TICAM2: variants seen among roughly 807,000 people sequenced by gnomAD.
TICAM2 encodes TIR domain containing adaptor molecule 2, also known as TIR domain-containing adapter molecule 2.
In TICAM2, 8 loss-of-function variants were observed where a neutral mutation model predicts 7.3. The observed-to-expected ratio is 1.10, with a 90% CI of 0.65 to 1.99. The LOEUF is 1.99. Ranked by LOEUF, TICAM2 falls within the 30% of genes most tolerant of loss-of-function variation. The pLI is 0.00. For synonymous variants in TICAM2, 113 were observed against 99.6 expected (o/e 1.13, Z -0.80); for missense variants, 304 against 278.8 (o/e 1.09, Z -0.65).
At chr5:115,581,419 G>C (rs112072245) in intron 1 of TICAM2, 104 bp from the exon 2 acceptor site, 6 of 1,273,022 alleles carry the variant, frequency 4.7e-6, no homozygotes, top group South Asian at 1.5e-5. Context: ...ATAATAGACA[G>C]ATCCAAATAC....
At chr5:115,599,316 ATAT>A in intron 1 of TICAM2, among the ~76,000 whole-genome samples, 1 of 152,134 alleles carries the variant, frequency 6.6e-6, no homozygotes, top group Non-Finnish European at 1.5e-5. Flanking sequence ...CCCCCACCAA[ATAT>A]TATTACATAT....
At position 115,580,842 on chromosome 5, in the gene TICAM2, G is replaced by A. The variant is rs778476522; in HGVS notation, c.415C>T (p.Leu139=). Residue 139 remains leucine (L), a synonymous_variant, in exon 2 of 2, where the codon CTG becomes TTG. Coordinates refer to ENST00000427199, the MANE Select transcript of TICAM2 (RefSeq NM_021649.7). Reference sequence around the variant, plus strand: ...GTATCTCTTAAAAAGTTTTCAGTCAGTAATAAGATTGTCCATGCAGACCCA... The same window carrying A: ...GTATCTCTTAAAAAGTTTTCAGTCAATAATAAGATTGTCCATGCAGACCCA... ...VNGSAWTILL[L]TENFLRDTWC... is the part of the protein sequence containing the mutation. 1.2e-5 allele frequency: 19 copies of A among 1,610,410 alleles called. No individual in the cohort carries two copies. In the South Asian group the frequency reaches 2.1e-4, roughly 18 times the overall value.
chr5:115,600,866 T>G (rs1166898973), intron 1 of TICAM2, among the ~76,000 whole-genome samples: 1 of 152,110 alleles, frequency 6.6e-6, no homozygotes, highest in African/African-American at 2.4e-5. Context: ...GAATGGGATG[T>G]GTGGTCTAGG....
chr5:115,588,365 T>C (rs1479183790), intron 1 of TICAM2, among the ~76,000 whole-genome samples: 1 of 152,190 alleles, frequency 6.6e-6, no homozygotes, highest in Non-Finnish European at 1.5e-5. Context: ...ATGTCTGTGA[T>C]GAATATTACA....
chr5:115,587,999 G>C (rs963346852), intron 1 of TICAM2, among the ~76,000 whole-genome samples: 1 of 152,166 alleles, frequency 6.6e-6, no homozygotes, highest in African/African-American at 2.4e-5. Context: ...GCATCTGAAA[G>C]CCAAGGGAGG....
chr5:115,588,708 G>C (rs984070400), intron 1 of TICAM2, among the ~76,000 whole-genome samples: 2 of 152,142 alleles, frequency 1.3e-5, no homozygotes, highest in Non-Finnish European at 2.9e-5. Context: ...TTTCCTAAAC[G>C]TAATTTAAGT....
chr5:115,582,334 T>G (rs1425458234), intron 1 of TICAM2, among the ~76,000 whole-genome samples: 1 of 150,782 alleles, frequency 6.6e-6, no homozygotes, highest in East Asian at 1.9e-4. Context: ...TTTTTTTTTT[T>G]TTGGTTTTTT....
intron 1 of TICAM2, among the ~76,000 whole-genome samples, chr5:115,591,594 G>C (rs1226227705): frequency 1.3e-5 from 2 of 151,762 alleles, no homozygotes; most frequent in Admixed American, 6.6e-5. Context: ...TGGCAGGTAA[G>C]AAAAAAATCT....
chr5:115,583,940 G>A (rs1330718160), intron 1 of TICAM2, among the ~76,000 whole-genome samples: 1 of 152,190 alleles, frequency 6.6e-6, no homozygotes, highest in Non-Finnish European at 1.5e-5. Flanking sequence ...CTAAATGGAA[G>A]GAGAGTGAGG....
intron 1 of TICAM2, among the ~76,000 whole-genome samples, chr5:115,590,225 A>G (rs1428845369): frequency 6.6e-6 from 1 of 152,150 alleles, no homozygotes; most frequent in Non-Finnish European, 1.5e-5. Context: ...AATGAGGATC[A>G]CTTGAGCGCA....
chr5:115,585,709 G>A (rs1755078081), intron 1 of TICAM2, among the ~76,000 whole-genome samples: 1 of 152,230 alleles, frequency 6.6e-6, no homozygotes, highest in Non-Finnish European at 1.5e-5. Context: ...GCTGGAGGGA[G>A]CCAAGGGTAG....
At chr5:115,583,288 T>G (rs1754994605) in intron 1 of TICAM2, among the ~76,000 whole-genome samples, 1 of 152,220 alleles carries the variant, frequency 6.6e-6, no homozygotes, top group Non-Finnish European at 1.5e-5. Flanking sequence ...CACCATTATC[T>G]TAGTCACTAG....
intron 1 of TICAM2, among the ~76,000 whole-genome samples, chr5:115,601,697 T>C (rs1416666343): frequency 6.6e-6 from 1 of 152,184 alleles, no homozygotes; most frequent in Admixed American, 6.5e-5. Context: ...TTATCCAAAT[T>C]AGCTTTGCAC....
chr5:115,581,039 GCTT>G lies in TICAM2; in HGVS notation c.215_217del (p.Glu72del), dbSNP rs760888490. On this transcript the variant is annotated inframe_deletion, in exon 2 of 2. Coordinates refer to ENST00000427199, the MANE Select transcript of TICAM2 (RefSeq NM_021649.7). The stretch of plus-strand genomic sequence containing the variant: ...AAATTTGAGGAACACCTCTTCTTCA[GCTT>G]CTTCTTCAAACATCTCTTCCACGCT... 10 of 1,614,130 alleles carry G rather than the reference GCTT, an allele frequency of 6.2e-6. No individual in the cohort carries two copies. The highest frequency in any genetic ancestry group is 4.5e-5 in the East Asian group (2 of 44,884).
rs201468090 is a variant in TICAM2, at chr5:115,580,598, G to C, written c.659C>G (p.Thr220Ser). The C allele has an allele frequency of 3.7e-4, 589 of 1,598,934 alleles. No homozygotes were observed. The highest frequency in any genetic ancestry group is 4.6e-4 in the Non-Finnish European group (540 of 1,175,672). ...FQESVYKTQQ[T>S]IWKETRNMVQ... ...CATATTTCTTGTCTCTTTCCATATA[G>C]TTTGTTGTGTCTTATACACAGACTC... is the stretch of plus-strand genomic sequence containing the variant. The change falls in exon 2 of 2, where the codon ACT becomes AGT. Residue 220 changes from threonine to serine, a missense_variant. By Grantham distance (58) the Thr-to-Ser change is moderately conservative. Transcript: ENST00000427199.
Position 115,580,553 on chromosome 5 carries a change from G to T in TICAM2, c.704C>A (p.Ala235Asp), listed in dbSNP as rs758184550. 1 of 1,587,550 alleles carries T rather than the reference G, an allele frequency of 6.3e-7. No homozygotes were observed. The highest frequency in any genetic ancestry group is 8.5e-7 in the Non-Finnish European group (1 of 1,170,788). Residue 235 changes from alanine to aspartate, a missense_variant, in exon 2 of 2, where the codon GCC becomes GAC. Ala to Asp is a moderately radical substitution (Grantham distance 126). Coordinates refer to ENST00000427199, the MANE Select transcript of TICAM2 (RefSeq NM_021649.7). ...TRNMVQRQFIA is the reference protein window; with the variant it reads ...TRNMVQRQFID ...CCACATGTTATATGTTTCATCTCAG[G>T]CAATAAATTGTCTTTGTACCATATT...
rs1454582318 is a variant in TICAM2, at chr5:115,580,575, T to C, written c.682A>G (p.Met228Val). 1 of 1,599,528 alleles carries C rather than the reference T, an allele frequency of 6.3e-7. No homozygotes were observed. The highest frequency in any genetic ancestry group is 8.5e-7 in the Non-Finnish European group (1 of 1,175,556). The change falls in exon 2 of 2, where the codon ATG becomes GTG. Residue 228 changes from methionine (M) to valine (V), a missense_variant. By Grantham distance (21) the Met-to-Val change is conservative (BLOSUM62 1). Coordinates refer to ENST00000427199, the MANE Select transcript of TICAM2 (RefSeq NM_021649.7). Reference protein sequence around the residue: ...QQTIWKETRNMVQRQFIA With the variant: ...QQTIWKETRNVVQRQFIA The stretch of plus-strand genomic sequence containing the variant: ...CAGGCAATAAATTGTCTTTGTACCA[T>C]ATTTCTTGTCTCTTTCCATATAGTT...
chr5:115,599,775 A>T (rs1324980817), intron 1 of TICAM2, among the ~76,000 whole-genome samples: 2 of 152,200 alleles, frequency 1.3e-5, no homozygotes, highest in African/African-American at 4.8e-5. Context: ...GAGGGAAGTC[A>T]GGAGATGAGT....
chr5:115,583,787 C>T (rs1340598979), intron 1 of TICAM2, among the ~76,000 whole-genome samples: 16 of 152,136 alleles, frequency 1.1e-4, no homozygotes, highest in Admixed American at 7.9e-4. Context: ...TCTACTGGAA[C>T]AAAGGAAAGG....
Sources: allele counts gnomAD v4.1 joint callset (sites outside exome capture counted in the v4.1 genomes callset), GRCh38; gene constraint gnomAD v4.1.1; transcripts MANE v1.5; gene names NCBI Gene and HGNC (gene_info 2026-07-23, HGNC 2026-07-21).